The following MLXIPL variants were observed in gnomAD, a reference collection of about 807,000 sequenced individuals.
MLXIPL encodes the protein MLX interacting protein like.
A neutral mutation model predicts 81.5 loss-of-function variants in MLXIPL; 49 were observed. That is an observed-to-expected ratio of 0.60 (90% confidence interval 0.48 to 0.76). The LOEUF (loss-of-function observed/expected upper bound fraction) is 0.76, where lower values mean the gene tolerates loss of function less well. Among genes scored for constraint, MLXIPL ranks in the 30% least tolerant of loss-of-function variants. The probability of loss-of-function intolerance (pLI) is 0.00; values close to 1 mark genes in which losing one functional copy is unlikely to be tolerated. For synonymous variants in MLXIPL, 466 were observed against 485.5 expected (o/e 0.96, Z 0.53); for missense variants, 1,053 against 1,167.0 (o/e 0.90, Z 1.42).
Position 73,596,127 on chromosome 7 carries a change from G to A in MLXIPL, c.2058+26C>T. On this transcript the variant is annotated intron_variant, in intron 13 of 16. Transcript: ENST00000313375. The surrounding 1 kb of genome is among the most constrained non-coding windows in gnomAD (Gnocchi z 4.7). ...CAGAAAGGGGCCCTGTGGTTTTGGG[G>A]GTGCCAGCCTGGGCCCGGGGCTCAC... 1 of 1,609,414 alleles carries A rather than the reference G, an allele frequency of 6.2e-7. No homozygotes were observed. Among genetic ancestry groups the A allele is most frequent in the Non-Finnish European group, 8.5e-7 (1 of 1,178,974 alleles).
upstream of MLXIPL, among the ~76,000 whole-genome samples, chr7:73,625,832 G>A (rs1186157293): frequency 6.6e-6 from 1 of 152,088 alleles, no homozygotes; most frequent in East Asian, 1.9e-4. Context: ...CCTGCACAGA[G>A]AGGCCCAAGG....
chr7:73,618,733 G>T (rs879976238), intron 1 of MLXIPL, among the ~76,000 whole-genome samples: 47 of 152,030 alleles, frequency 3.1e-4, no homozygotes, highest in Non-Finnish European at 4.7e-4. Context: ...GGGGGTGGGG[G>T]GAGACTCTGC....
chr7:73,611,504 G>A (rs529155209), intron 2 of MLXIPL: 76 of 152,278 alleles, frequency 5.0e-4, no homozygotes, highest in African/African-American at 1.8e-3. Flanking sequence ...CATTTACAAA[G>A]TTCTGTCCTA....
chr7:73,607,869 T>C (rs1795430152), intron 2 of MLXIPL, among the ~76,000 whole-genome samples, 197 bp from the exon 3 acceptor site: 1 of 148,870 alleles, frequency 6.7e-6, no homozygotes, highest in Non-Finnish European at 1.5e-5. Context: ...TTTTTTTTTT[T>C]TTTGGAGATA....
chr7:73,603,414 G>GGCCGGGCGCTGTGTA (rs1411815746), intron 7 of MLXIPL, among the ~76,000 whole-genome samples: 47 of 152,280 alleles, frequency 3.1e-4, no homozygotes, highest in South Asian at 4.1e-4. Context: ...GGCGCTGTGT[G>GGCCGGGCGCTGTGTA]CCCAGACAGG....
At chr7:73,606,808 A>G in intron 5 of MLXIPL, 166 bp downstream of exon 5, 1 of 771,404 alleles carries the variant, frequency 1.3e-6, no homozygotes, top group Non-Finnish European at 2.2e-6. Context: ...CCCCCCAAGA[A>G]GAGAAGAGCT....
chr7:73,605,580 G>A lies in MLXIPL; in HGVS notation c.901+108C>T. ...AAATAAATAAAAAGACAGAAAAAAA[G>A]AAACGACCCAGACTATCAGCCCTCC... On this transcript the variant is annotated intron_variant, in intron 7 of 16. Coordinates refer to ENST00000313375, the MANE Select transcript of MLXIPL (RefSeq NM_032951.3). 4 of 952,174 alleles carry A rather than the reference G, an allele frequency of 4.2e-6. No homozygotes were observed. In the South Asian group the frequency reaches 4.4e-5, roughly 10 times the overall value. 59.0% of individuals were successfully genotyped at this position (952,174 alleles called of 1,614,324 possible).
chr7:73,624,151 C>G (rs371316943), intron 1 of MLXIPL, 49 bp downstream of exon 1: 5 of 1,477,282 alleles, frequency 3.4e-6, no homozygotes, highest in South Asian at 2.6e-5. Context: ...GACCCCCCCC[C>G]CATCCCCACC....
intron 2 of MLXIPL, among the ~76,000 whole-genome samples, 168 bp from the exon 3 acceptor site, chr7:73,607,840 CTCCTAGATCT>C (rs1795424940): frequency 1.4e-5 from 2 of 145,896 alleles, no homozygotes; most frequent in Non-Finnish European, 3.0e-5. Context: ...ATGCTCTAGC[CTCCTAGATCT>C]TCCTTTTTTT....
intron 7 of MLXIPL, among the ~76,000 whole-genome samples, chr7:73,604,085 A>T (rs777122501): frequency 6.6e-6 from 1 of 151,904 alleles, no homozygotes; most frequent in Admixed American, 6.6e-5. Context: ...GTGTGGTGGC[A>T]CATGCCTGTA....
At position 73,623,836 on chromosome 7, in the gene MLXIPL, G is replaced by A. The variant is rs1305672241; in HGVS notation, c.293+364C>T. Among the ~76,000 whole-genome samples the A allele has an allele frequency of 6.6e-6, 1 of 152,090 alleles. No homozygotes were observed. Among genetic ancestry groups the A allele is most frequent in the Admixed American group, 6.5e-5 (1 of 15,268 alleles). On this transcript the variant is annotated intron_variant, in intron 1 of 16. Transcript: ENST00000313375. The surrounding 1 kb of genome is among the most constrained non-coding windows in gnomAD (Gnocchi z 5.7). ...CAGAGTGGAGAGTGGGGATGGGCGC[G>A]GGTGGCCTAGGGACCAGGGGCGCCT...
At chr7:73,605,878 C>T in intron 6 of MLXIPL, 32 bp downstream of exon 6, 1 of 1,567,212 alleles carries the variant, frequency 6.4e-7, no homozygotes, top group Non-Finnish European at 8.7e-7. Flanking sequence ...CAGGCCTTCA[C>T]CCCTCTCCCC....
the MLXIPL span, among the ~76,000 whole-genome samples, chr7:73,637,152 A>G: frequency 6.6e-6 from 1 of 152,106 alleles, no homozygotes; most frequent in Non-Finnish European, 1.5e-5. Flanking sequence ...TGTATTTTGC[A>G]TACTCACAAG....
rs1279935309 is a variant in MLXIPL at position 73,605,727 on chromosome 7, G to A, written c.862C>T (p.Pro288Ser). ...AAGTCATCCAGGCTTGGCTGCAGTG[G>A]CGTCAGGTCCGGCTGGATCATGTCA... ...NADMIQPDLT[P>S]LQPSLDDFMD... is the part of the protein sequence containing the mutation. The change falls in exon 7 of 17, where the codon CCA becomes TCA. Residue 288 changes from proline (P) to serine (S), a missense_variant. Physicochemically the swap from Pro to Ser is moderately conservative, Grantham distance 74. Around this residue, in one of 3 missense-constraint regions of MLXIPL, gnomAD observed 823 missense variants for 933.0 expected, o/e 0.88. Transcript: ENST00000313375. 1 of 1,613,694 alleles carries A rather than the reference G, an allele frequency of 6.2e-7. No homozygotes were observed. Among genetic ancestry groups the A allele is most frequent in the East Asian group, 2.2e-5 (1 of 44,878 alleles).
At chr7:73,598,552 A>G (rs1554595090) in intron 8 of MLXIPL, among the ~76,000 whole-genome samples, 1 of 152,154 alleles carries the variant, frequency 6.6e-6, no homozygotes, top group Non-Finnish European at 1.5e-5. Flanking sequence ...AGATGCATCT[A>G]TCCATTCACC....
rs782701350 is a variant in MLXIPL at position 73,616,098 on chromosome 7, C to T, written c.373G>A (p.Ala125Thr). 3 of 1,613,918 alleles carry T rather than the reference C, an allele frequency of 1.9e-6. No individual in the cohort carries two copies. The highest frequency in any genetic ancestry group is 2.5e-6 in the Non-Finnish European group (3 of 1,179,954). Residue 125 changes from alanine to threonine, a missense_variant, in exon 2 of 17, where the codon GCC becomes ACC. Ala to Thr is a moderately conservative substitution (Grantham distance 58). Coordinates refer to ENST00000313375, the MANE Select transcript of MLXIPL (RefSeq NM_032951.3). ...TGGATATACCAGGCCCTCCAGATGG[C>T]GTTGTTCAGGCGGATCTTGTCTCTG... The part of the protein sequence containing the change: ...LCRDKIRLNN[A>T]IWRAWYIQYV...
At chr7:73,643,312 A>C in the MLXIPL span, among the ~76,000 whole-genome samples, 2 of 152,168 alleles carry the variant, frequency 1.3e-5, no homozygotes, top group African/African-American at 2.4e-5. Context: ...CAGGAGATCG[A>C]GACCAGCCTG....
chr7:73,632,970 G>A, the MLXIPL span, among the ~76,000 whole-genome samples: 1 of 151,878 alleles, frequency 6.6e-6, no homozygotes, highest in African/African-American at 2.4e-5. Flanking sequence ...TAGTAGAGAT[G>A]GGGTTTCCCT....
the MLXIPL span, among the ~76,000 whole-genome samples, chr7:73,641,375 T>C: frequency 9.2e-5 from 14 of 152,036 alleles, no homozygotes; most frequent in African/African-American, 3.4e-4. Context: ...CCCTGTAACA[T>C]GGGAGGAATT....
Sources: allele counts gnomAD v4.1 joint callset (sites outside exome capture counted in the v4.1 genomes callset), GRCh38; gene constraint gnomAD v4.1.1; regional missense constraint gnomAD v4.1.1; non-coding constraint Gnocchi (gnomAD v3.1); transcripts MANE v1.5; gene names NCBI Gene and HGNC (gene_info 2026-07-23, HGNC 2026-07-21).